AGMO: variants seen among roughly 807,000 people sequenced by gnomAD.
The protein encoded by AGMO is glyceryl-ether monooxygenase.
Under a neutral mutation model 60.2 loss-of-function variants are expected in AGMO, and 75 were observed. The observed-to-expected ratio is 1.25, with a 90% CI of 1.03 to 1.51. AGMO has a LOEUF of 1.51. AGMO is among the 40% of genes most tolerant of loss of function. The pLI is 0.00. For missense variants in AGMO, 763 were observed against 525.5 expected, an observed-to-expected ratio of 1.45 and a Z score of -4.42; for synonymous variants, 261 against 177.1, an observed-to-expected ratio of 1.47 and a Z score of -3.76.
At chr7:15,243,144 C>G (rs1320593452) in intron 12 of AGMO, among the ~76,000 whole-genome samples, 2 of 151,968 alleles carry the variant, frequency 1.3e-5, no homozygotes, top group Non-Finnish European at 2.9e-5. Context: ...TATTAATATA[C>G]ATAGGTCAGT....
At chr7:15,432,333 T>TATATATATATACAGAC (rs1562504311) in intron 3 of AGMO, among the ~76,000 whole-genome samples, 1 of 135,202 alleles carries the variant, frequency 7.4e-6, no homozygotes, top group Non-Finnish European at 1.6e-5. Context: ...TATATGTATA[T>TATATATATATACAGAC]ATATATATAT....
chr7:15,280,518 T>C (rs894427665), intron 12 of AGMO, among the ~76,000 whole-genome samples: 2 of 152,176 alleles, frequency 1.3e-5, no homozygotes, highest in East Asian at 1.9e-4. Flanking sequence ...CCCACCCTGA[T>C]AGCTTAACAC....
chr7:15,151,385 G>C, the AGMO span, among the ~76,000 whole-genome samples: 132 of 151,932 alleles, frequency 8.7e-4, no homozygotes, highest in South Asian at 4.4e-3. Flanking sequence ...GTTTGCTCTT[G>C]TTTTCTAAGT....
At chr7:15,342,172 TAAAAAAAAAAAA>T (rs775057626) in intron 12 of AGMO, among the ~76,000 whole-genome samples, 1 of 54,310 alleles carries the variant, frequency 1.8e-5, no homozygotes, top group African/African-American at 9.3e-5. Flanking sequence ...CCCACAGAGT[TAAAAAAAAAAAA>T]AAAAAAAAAA....
intron 3 of AGMO, among the ~76,000 whole-genome samples, chr7:15,433,162 A>T (rs1321076595): frequency 6.6e-6 from 1 of 152,130 alleles, no homozygotes; most frequent in Admixed American, 6.6e-5. Context: ...AAATGAGTTA[A>T]CAAGAGGATG....
rs1554274858 is a variant in AGMO, at chr7:15,459,591, A to ATATGTGTGTGTGTG, written c.410-28484_410-28483insCACACACACACATA. On this transcript the variant is annotated intron_variant, in intron 3 of 12. Coordinates refer to ENST00000342526, the MANE Select transcript of AGMO (RefSeq NM_001004320.2). Reference sequence around the variant, plus strand: ...TTTGGTTTGATCTTTAAATGTGTGTATGTGCGTTTGTGTGTGTGTGTGTGT... The same window carrying ATATGTGTGTGTGTG: ...TTTGGTTTGATCTTTAAATGTGTGTATATGTGTGTGTGTGTGTGCGTTTGTGTGTGTGTGTGTGT... 6.0e-4 allele frequency among the ~76,000 whole-genome samples: 8 copies of ATATGTGTGTGTGTG among 13,248 alleles called. 1 individual carries two copies. The highest frequency in any genetic ancestry group is 4.2e-3 in the East Asian group (6 of 1,432). The allele number at this position is 13,248 out of a possible 152,430, so 8.7% of individuals were successfully genotyped here.
chr7:15,137,294 T>C, the AGMO span, among the ~76,000 whole-genome samples: 2 of 152,220 alleles, frequency 1.3e-5, no homozygotes, highest in Non-Finnish European at 2.9e-5. Context: ...ATTACTTTTT[T>C]ATACGTTTTC....
chr7:15,368,985 A>G (rs907435401), intron 10 of AGMO, among the ~76,000 whole-genome samples: 8 of 152,046 alleles, frequency 5.3e-5, no homozygotes, highest in African/African-American at 1.7e-4. Flanking sequence ...CCTCCTCTAC[A>G]ACATATATTC....
At position 15,550,849 on chromosome 7, in the gene AGMO, G is replaced by T. The variant is rs1444279972; in HGVS notation, c.258-5926C>A. Among the ~76,000 whole-genome samples the T allele has an allele frequency of 2.8e-5, 4 of 140,710 alleles. No individual in the cohort carries two copies. The Admixed American group carries it at 2.9e-4, about 10-fold the overall frequency. The allele number at this position is 140,710 out of a possible 152,430, so 92.3% of individuals were successfully genotyped here. On this transcript the variant is annotated intron_variant, in intron 2 of 12. Coordinates refer to ENST00000342526, the MANE Select transcript of AGMO (RefSeq NM_001004320.2). ...AGCATCATTCTGATACCAAAGCCAG[G>T]CAGAGACACAACCAAAAAAGAGAAT... is the stretch of plus-strand genomic sequence containing the variant.
At chr7:15,218,390 T>G (rs1209905851) in intron 12 of AGMO, among the ~76,000 whole-genome samples, 2 of 150,916 alleles carry the variant, frequency 1.3e-5, no homozygotes, top group Non-Finnish European at 3.0e-5. Flanking sequence ...TTTACGATTT[T>G]GGGCCATATG....
At position 15,299,886 on chromosome 7, in the gene AGMO, C is replaced by CACACACACACACAA. The variant is rs774065679; in HGVS notation, c.1263+65627_1263+65628insTTGTGTGTGTGTGT. On this transcript the variant is annotated intron_variant, in intron 12 of 12. Transcript: ENST00000342526. ...ACACACACACACACACACACACACA[C>CACACACACACACAA]AGTATGTTTTGTGTTCAACATATCC... Among the ~76,000 whole-genome samples the CACACACACACACAA allele has an allele frequency of 7.2e-4, 82 of 114,674 alleles. 5 individuals are homozygous for CACACACACACACAA. Among genetic ancestry groups the CACACACACACACAA allele is most frequent in the African/African-American group, 1.3e-3 (30 of 23,598 alleles). 75.2% of individuals were successfully genotyped at this position (114,674 alleles called of 152,430 possible).
intron 12 of AGMO, among the ~76,000 whole-genome samples, chr7:15,303,698 A>T (rs928047330): frequency 6.6e-6 from 1 of 152,168 alleles, no homozygotes; most frequent in African/African-American, 2.4e-5. Flanking sequence ...AGAAGAAGGA[A>T]GTGGAGCATG....
chr7:15,147,785 T>C, the AGMO span, among the ~76,000 whole-genome samples: 2 of 152,118 alleles, frequency 1.3e-5, no homozygotes, highest in East Asian at 3.9e-4. Context: ...GCCTCTGCCA[T>C]AGTCAGACGT....
chr7:15,192,465 C>T, the AGMO span, among the ~76,000 whole-genome samples: 1 of 151,980 alleles, frequency 6.6e-6, no homozygotes, highest in Non-Finnish European at 1.5e-5. Context: ...ACTCTATCTC[C>T]TTTCTAGCTC....
downstream of AGMO, among the ~76,000 whole-genome samples, chr7:15,197,853 G>A (rs114584393): frequency 6.6e-6 from 1 of 152,268 alleles, no homozygotes; most frequent in African/African-American, 2.4e-5. Context: ...TCAGATGTCT[G>A]ACATCGTGGA....
chr7:15,450,191 C>T (rs184408220), intron 3 of AGMO, among the ~76,000 whole-genome samples: 3 of 152,006 alleles, frequency 2.0e-5, no homozygotes, highest in Admixed American at 6.6e-5. Context: ...GAGGCCGAGG[C>T]GGGCAGATCA....
rs60202363 is a variant in AGMO, at chr7:15,365,380, T to TAAAAAAAAAAAAAAAAAAAAAAAAAAA, written c.1263+133_1263+134insTTTTTTTTTTTTTTTTTTTTTTTTTTT. 208 of 223,842 alleles carry TAAAAAAAAAAAAAAAAAAAAAAAAAAA rather than the reference T, an allele frequency of 9.3e-4. 14 individuals carry two copies. Among genetic ancestry groups the TAAAAAAAAAAAAAAAAAAAAAAAAAAA allele is most frequent in the African/African-American group, 1.3e-3 (23 of 17,268 alleles). The allele number at this position is 223,842 out of a possible 1,614,324, so 13.9% of individuals were successfully genotyped here. A position where few individuals can be genotyped will look rare whatever the true frequency, so the allele number is the denominator to read the frequency against. On this transcript the variant is annotated intron_variant, in intron 12 of 12. Transcript: ENST00000342526. ...GACACAACTAACAAGTACTGGTAAG[T>TAAAAAAAAAAAAAAAAAAAAAAAAAAA]AAAAAAAAAAAAAAAGATCAAGATT...
the AGMO span, among the ~76,000 whole-genome samples, chr7:15,149,663 T>C: frequency 6.6e-6 from 1 of 152,182 alleles, no homozygotes; most frequent in African/African-American, 2.4e-5. Flanking sequence ...ACCTGTTCTA[T>C]TGGTCTATGT....
At chr7:15,345,514 T>C (rs1782002419) in intron 12 of AGMO, among the ~76,000 whole-genome samples, 1 of 152,196 alleles carries the variant, frequency 6.6e-6, no homozygotes, top group Non-Finnish European at 1.5e-5. Flanking sequence ...GTGCTGTGCA[T>C]AACATTGACA....
Sources: allele counts gnomAD v4.1 joint callset (sites outside exome capture counted in the v4.1 genomes callset), GRCh38; gene constraint gnomAD v4.1.1; transcripts MANE v1.5; gene names NCBI Gene and HGNC (gene_info 2026-07-23, HGNC 2026-07-21).